AP3S2: variants seen among roughly 807,000 people sequenced by gnomAD.
AP3S2 encodes adaptor related protein complex 3 subunit sigma 2.
Under a neutral mutation model 23.4 loss-of-function variants are expected in AP3S2, and 22 were observed. That is an observed-to-expected ratio of 0.94 (90% CI 0.67 to 1.34). The LOEUF (loss-of-function observed/expected upper bound fraction) is 1.34, where lower values mean the gene tolerates loss of function less well. Ranked by LOEUF, AP3S2 falls within the 40% of genes most tolerant of loss-of-function variation. The probability of loss-of-function intolerance (pLI) is 0.00; values close to 1 mark genes in which losing one functional copy is unlikely to be tolerated. For synonymous variants in AP3S2, 86 were observed against 87.1 expected (o/e 0.99, Z 0.07); for missense variants, 241 against 236.9 (o/e 1.02, Z -0.11).
At chr15:89,859,827 G>A (rs1194486139) in intron 4 of AP3S2, among the ~76,000 whole-genome samples, 1 of 146,730 alleles carries the variant, frequency 6.8e-6, no homozygotes, top group Non-Finnish European at 1.5e-5. Context: ...GCAGTGGCGC[G>A]ATCTCGGCTC....
chr15:89,836,201 C>G (rs1170798877), intron 5 of AP3S2, among the ~76,000 whole-genome samples: 1 of 152,186 alleles, frequency 6.6e-6, no homozygotes, highest in Non-Finnish European at 1.5e-5. Flanking sequence ...TCCTACTAGA[C>G]TACCAGCTCC....
intron 4 of AP3S2, among the ~76,000 whole-genome samples, chr15:89,842,681 C>T (rs991786165): frequency 3.3e-5 from 5 of 152,266 alleles, no homozygotes; most frequent in South Asian, 2.1e-4. Context: ...GGCGCGATCT[C>T]GGCTCAGTGC....
At chr15:89,869,676 A>C (rs1468049219) in intron 4 of AP3S2, among the ~76,000 whole-genome samples, 4 of 152,064 alleles carry the variant, frequency 2.6e-5, no homozygotes, top group Admixed American at 1.3e-4. Flanking sequence ...CCTGGTGAGC[A>C]ACAGGTGGCA....
intron 4 of AP3S2, among the ~76,000 whole-genome samples, chr15:89,862,088 T>C (rs1207681599): frequency 6.6e-6 from 1 of 152,180 alleles, no homozygotes; most frequent in Non-Finnish European, 1.5e-5. Context: ...CTTGAATGTG[T>C]CCGGCCAAGG....
At chr15:89,864,178 T>C (rs1427510439) in intron 4 of AP3S2, among the ~76,000 whole-genome samples, 1 of 152,206 alleles carries the variant, frequency 6.6e-6, no homozygotes, top group Admixed American at 6.5e-5. Context: ...AGATAAGACA[T>C]ATGAGGAAGA....
intron 4 of AP3S2, among the ~76,000 whole-genome samples, chr15:89,848,363 C>T (rs781172899): frequency 6.6e-6 from 1 of 152,200 alleles, no homozygotes; most frequent in African/African-American, 2.4e-5. Flanking sequence ...GTGCTGATAG[C>T]TTTTTCTTTT....
chr15:89,882,225 T>A (rs887492557), intron 3 of AP3S2, among the ~76,000 whole-genome samples: 1 of 152,112 alleles, frequency 6.6e-6, no homozygotes, highest in Non-Finnish European at 1.5e-5. Context: ...GGCACAACCG[T>A]TTGCATAAAG....
intron 4 of AP3S2, chr15:89,848,492 C>T (rs1019509237): frequency 2.6e-5 from 4 of 152,386 alleles, no homozygotes; most frequent in African/African-American, 9.6e-5. Flanking sequence ...TCCGGAGTAG[C>T]TGGGACTACA....
chr15:89,847,375 C>CAAAAAAAAAAAAAAAAAAAAAAAAAA (rs11314336), intron 4 of AP3S2, among the ~76,000 whole-genome samples: 1 of 62,598 alleles, frequency 1.6e-5, no homozygotes. Flanking sequence ...GACCCTGTTA[C>CAAAAAAAAAAAAAAAAAAAAAAAAAA]AAAAAAAAAA....
intron 4 of AP3S2, among the ~76,000 whole-genome samples, chr15:89,842,786 T>A (rs981674127): frequency 6.6e-6 from 1 of 152,030 alleles, no homozygotes; most frequent in Admixed American, 6.5e-5. Flanking sequence ...CTAATTTTTG[T>A]ATTTTTAGTA....
At chr15:89,869,064 G>A (rs1341657815) in intron 4 of AP3S2, among the ~76,000 whole-genome samples, 1 of 152,074 alleles carries the variant, frequency 6.6e-6, no homozygotes, top group Non-Finnish European at 1.5e-5. Context: ...CCCCGTCTGG[G>A]AGGTGTGCCC....
In AP3S2 at chr15:89,865,043, A is replaced by C. The variant is rs139896223; in HGVS notation, c.345+6432T>G. ...TGGATAAAAATTAAGTTCTATATCC[A>C]TCAGTCAGGACAGGCTTGGTTAAGT... On this transcript the variant is annotated intron_variant, in intron 4 of 5. Coordinates refer to ENST00000336418, the MANE Select transcript of AP3S2 (RefSeq NM_005829.5). 2.1e-3 allele frequency among the ~76,000 whole-genome samples: 323 copies of C among 152,308 alleles called. 2 individuals are homozygous for C. The highest frequency in any genetic ancestry group is 7.3e-3 in the African/African-American group (303 of 41,556).
chr15:89,863,029 T>A (rs1896040601), intron 4 of AP3S2, among the ~76,000 whole-genome samples: 1 of 150,160 alleles, frequency 6.7e-6, no homozygotes, highest in African/African-American at 2.5e-5. Context: ...CCTGATAGAG[T>A]GGGAAAAGAA....
rs752134637 is a variant in AP3S2 at position 89,871,496 on chromosome 15, A to C, written c.324T>G (p.Asp108Glu). The C allele has an allele frequency of 8.1e-6, 13 of 1,613,674 alleles. No homozygotes were observed. Among genetic ancestry groups the C allele is most frequent in the Non-Finnish European group, 1.1e-5 (13 of 1,179,938 alleles). Residue 108 changes from aspartate to glutamate, a missense_variant, in exon 4 of 6, where the codon GAT becomes GAG. Asp to Glu is a conservative substitution (Grantham distance 45, BLOSUM62 2). Transcript: ENST00000336418. ...DKCFENVCELDLIFHMDKVHY... is the reference protein window; with the variant it reads ...DKCFENVCELELIFHMDKVHY... ...ATACCTTATCCATATGGAAGATCAA[A>C]TCCAATTCACACACATTTTCGAAAC...
intron 3 of AP3S2, chr15:89,883,984 A>C (rs1294711214): frequency 6.5e-6 from 1 of 152,902 alleles, no homozygotes; most frequent in Non-Finnish European, 1.5e-5. Context: ...GTATAATGCA[A>C]ATATCCCCAA....
intron 1 of AP3S2, among the ~76,000 whole-genome samples, chr15:89,892,597 T>C (rs577031320): frequency 8.5e-5 from 13 of 152,256 alleles, no homozygotes; most frequent in African/African-American, 2.6e-4. Flanking sequence ...GGGGGGAAAT[T>C]TGCATACACA....
At chr15:89,842,285 T>C (rs912936333) in intron 4 of AP3S2, among the ~76,000 whole-genome samples, 1 of 152,168 alleles carries the variant, frequency 6.6e-6, no homozygotes, top group African/African-American at 2.4e-5. Context: ...AATATTTGCA[T>C]AAAAGAAAAC....
chr15:89,871,960 T>C (rs1023212422), intron 3 of AP3S2, among the ~76,000 whole-genome samples: 1 of 151,712 alleles, frequency 6.6e-6, no homozygotes, highest in Non-Finnish European at 1.5e-5. Flanking sequence ...AATACAAAAA[T>C]TATCTGGGTG....
rs1419540673 is a variant in AP3S2, at chr15:89,833,970, C to T, written c.*1545G>A. On this transcript the variant is annotated 3_prime_UTR_variant, in exon 6 of 6. Transcript: ENST00000336418. ...GGGGCCCAGGCTGGAAACTTTACTGCGAAGCAGCCCTCATCTTAAGGTGGC... is the reference window on the plus strand; with the variant it reads ...GGGGCCCAGGCTGGAAACTTTACTGTGAAGCAGCCCTCATCTTAAGGTGGC... The T allele has an allele frequency of 7.9e-5, 12 of 152,408 alleles. No homozygotes were observed. In the East Asian group the frequency reaches 1.7e-3, roughly 22 times the overall value. The allele number at this position is 152,408 out of a possible 1,614,324, so 9.4% of individuals were successfully genotyped here.
Sources: gnomAD v4.1 joint callset for allele counts (sites outside exome capture counted in the v4.1 genomes callset) on GRCh38, gnomAD v4.1.1 for gene constraint, MANE v1.5 for transcripts, NCBI Gene and HGNC (gene_info 2026-07-23, HGNC 2026-07-21) for gene names.